Variants in ENOPH1 observed in about 807,000 individuals in gnomAD.
ENOPH1 encodes enolase-phosphatase 1.
In ENOPH1, 14 loss-of-function variants were observed where a neutral mutation model predicts 31.1. That is an observed-to-expected ratio of 0.45 (90% confidence interval 0.30 to 0.70). ENOPH1 has a LOEUF of 0.70. Ranked by LOEUF, ENOPH1 falls within the 30% of genes least tolerant of loss-of-function variation. The pLI, the probability that ENOPH1 is intolerant of heterozygous loss-of-function variation, is 0.09. For synonymous variants in ENOPH1, 127 were observed against 123.2 expected (o/e 1.03, Z -0.21); for missense variants, 243 against 321.5 (o/e 0.76, Z 1.87).
At chr4:82,432,552 C>G (rs1463777606) in intron 1 of ENOPH1, among the ~76,000 whole-genome samples, 1 of 152,164 alleles carries the variant, frequency 6.6e-6, no homozygotes, top group Non-Finnish European at 1.5e-5. Context: ...CCAGGCTGGT[C>G]TCAAACTCCT....
rs759212866 is a variant in ENOPH1 at position 82,447,904 on chromosome 4, T to G, written c.85-16T>G. 9.2e-6 allele frequency: 14 copies of G among 1,523,532 alleles called. No individual in the cohort carries two copies. Among genetic ancestry groups the G allele is most frequent in the Non-Finnish European group, 9.9e-6 (11 of 1,108,276 alleles). 94.4% of individuals were successfully genotyped at this position (1,523,532 alleles called of 1,614,324 possible). A position where few individuals can be genotyped will look rare whatever the true frequency, so the allele number is the denominator to read the frequency against. ...TAAAAGCTAACTCTTGTATTTTCTTTTACTCTTTTATCCAGGACATTTTAT... is the reference window on the plus strand; with the variant it reads ...TAAAAGCTAACTCTTGTATTTTCTTGTACTCTTTTATCCAGGACATTTTAT... On this transcript the variant is annotated splice_polypyrimidine_tract_variant and intron_variant, in intron 1 of 5. Coordinates refer to ENST00000273920, the MANE Select transcript of ENOPH1 (RefSeq NM_021204.5).
In ENOPH1 at chr4:82,454,742, C is replaced by G; in HGVS notation, c.410C>G (p.Pro137Arg). The change falls in exon 4 of 6, where the codon CCA becomes CGA. Residue 137 changes from proline to arginine, a missense_variant. Pro to Arg is a moderately radical substitution (Grantham distance 103, BLOSUM62 -2). Transcript: ENST00000273920. ...TCTAGGTTCTTTGCAGATGTAGTTC[C>G]AGCAGTCAGGAAGTGGAGAGAGGCC... Reference protein sequence around the residue: ...MKAEFFADVVPAVRKWREAGM... With the variant: ...MKAEFFADVVRAVRKWREAGM... 1 of 1,613,508 alleles carries G rather than the reference C, an allele frequency of 6.2e-7. No homozygotes were observed. The highest frequency in any genetic ancestry group is 8.5e-7 in the Non-Finnish European group (1 of 1,179,892).
Position 82,456,949 on chromosome 4 carries a change from A to T in ENOPH1, c.557A>T (p.His186Leu). The change falls in exon 5 of 6, where the codon CAC becomes CTC. Residue 186 changes from histidine (H) to leucine (L), a missense_variant. Coordinates refer to ENST00000273920, the MANE Select transcript of ENOPH1 (RefSeq NM_021204.5). The part of the protein sequence containing the change: ...VDGHFDTKIG[H>L]KVESESYRKI... The stretch of plus-strand genomic sequence containing the variant: ...GGTCACTTTGATACCAAGATTGGAC[A>T]CAAAGTAGAGAGTGAAAGTTACCGA... 6.2e-7 allele frequency: 1 copy of T among 1,614,104 alleles called. No homozygotes were observed. Among genetic ancestry groups the T allele is most frequent in the Non-Finnish European group, 8.5e-7 (1 of 1,179,998 alleles).
intron 1 of ENOPH1, among the ~76,000 whole-genome samples, chr4:82,440,891 T>C (rs1212212888): frequency 6.6e-6 from 1 of 152,220 alleles, no homozygotes; most frequent in Non-Finnish European, 1.5e-5. Flanking sequence ...ACCCCTTGTA[T>C]GGGTCCAGCC....
In ENOPH1 at chr4:82,430,792, C is replaced by G; in HGVS notation, c.-38C>G. 6.2e-7 allele frequency: 1 copy of G among 1,600,702 alleles called. No individual in the cohort carries two copies. Among genetic ancestry groups the G allele is most frequent in the Non-Finnish European group, 8.6e-7 (1 of 1,168,072 alleles). On this transcript the variant is annotated 5_prime_UTR_variant, in exon 1 of 6. Coordinates refer to ENST00000273920, the MANE Select transcript of ENOPH1 (RefSeq NM_021204.5). The stretch of plus-strand genomic sequence containing the variant: ...CAGCCGGCGCCGCCCTCCGCCCTCC[C>G]CAACAGCAGGCCGAGTCCCGTAGCA...
chr4:82,448,097 C>A, intron 2 of ENOPH1, 76 bp downstream of exon 2: 3 of 1,015,888 alleles, frequency 3.0e-6, no homozygotes, highest in Non-Finnish European at 4.4e-6. Flanking sequence ...ATGCTCTGAG[C>A]ATTTTGTAAA....
intron 1 of ENOPH1, among the ~76,000 whole-genome samples, chr4:82,437,636 A>G (rs1423174200): frequency 6.6e-6 from 1 of 152,238 alleles, no homozygotes; most frequent in African/African-American, 2.4e-5. Context: ...CAGGAATTTC[A>G]AAGTCCTTTC....
rs1288419370 is a variant in ENOPH1 at position 82,430,595 on chromosome 4, G to A, written c.-235G>A. Reference sequence around the variant, plus strand: ...CCCCTTTTCCTGCCCACGTGGTCTCGGGCTCCTGCCCCGTCCTGCTCACGA... The same window carrying A: ...CCCCTTTTCCTGCCCACGTGGTCTCAGGCTCCTGCCCCGTCCTGCTCACGA... On this transcript the variant is annotated 5_prime_UTR_variant, in exon 1 of 6. Coordinates refer to ENST00000273920, the MANE Select transcript of ENOPH1 (RefSeq NM_021204.5). 3 of 477,588 alleles carry A rather than the reference G, an allele frequency of 6.3e-6. No individual in the cohort carries two copies. The East Asian group carries it at 1.0e-4, about 16-fold the overall frequency. 29.6% of individuals were successfully genotyped at this position (477,588 alleles called of 1,614,324 possible).
chr4:82,446,761 C>G (rs1387758033), intron 1 of ENOPH1, among the ~76,000 whole-genome samples: 1 of 133,126 alleles, frequency 7.5e-6, no homozygotes, highest in Non-Finnish European at 1.5e-5. Context: ...CTGCGGACTG[C>G]AGTGGCGCAA....
intron 2 of ENOPH1, 74 bp from the exon 3 acceptor site, chr4:82,450,968 GT>G: frequency 7.0e-6 from 9 of 1,287,172 alleles, no homozygotes; most frequent in Non-Finnish European, 1.0e-5. Context: ...GTTCTGCTGG[GT>G]TTTTGGGTCT....
chr4:82,446,662 C>CT (rs34342267), intron 1 of ENOPH1, among the ~76,000 whole-genome samples: 18,814 of 74,606 alleles, frequency 0.25, 2,733 homozygotes, highest in African/African-American at 0.31. Context: ...TTGCACATCA[C>CT]TTTTTTTTTT....
chr4:82,447,895 T>C, intron 1 of ENOPH1, 25 bp from the exon 2 acceptor site: 1 of 1,434,064 alleles, frequency 7.0e-7, no homozygotes, highest in Non-Finnish European at 9.7e-7. Context: ...CTAACTCTTG[T>C]ATTTTCTTTT....
intron 1 of ENOPH1, 151 bp downstream of exon 1, chr4:82,431,064 G>T: frequency 1.5e-6 from 1 of 687,200 alleles, no homozygotes. Flanking sequence ...GAGAAAGCCT[G>T]CGGTGGGTTG....
chr4:82,452,242 A>G (rs988438150), intron 3 of ENOPH1, among the ~76,000 whole-genome samples: 1 of 151,750 alleles, frequency 6.6e-6, no homozygotes, highest in South Asian at 2.1e-4. Context: ...TTCAAAAAAC[A>G]TTTTTGTAGA....
At position 82,456,977 on chromosome 4, in the gene ENOPH1, G is replaced by C; in HGVS notation, c.585G>C (p.Lys195Asn). The C allele has an allele frequency of 6.2e-7, 1 of 1,614,068 alleles. No homozygotes were observed. Among genetic ancestry groups the C allele is most frequent in the Non-Finnish European group, 8.5e-7 (1 of 1,179,996 alleles). ...GHKVESESYR[K>N]IADSIGCSTN... ...AAGTAGAGAGTGAAAGTTACCGAAA[G>C]ATTGCAGACAGCATTGGGTGCTCAA... The change falls in exon 5 of 6, where the codon AAG (lysine) becomes AAC (asparagine). Residue 195 changes from lysine (K) to asparagine (N), a missense_variant. By Grantham distance (94) the Lys-to-Asn change is moderately conservative (BLOSUM62 0). Coordinates refer to ENST00000273920, the MANE Select transcript of ENOPH1 (RefSeq NM_021204.5).
chr4:82,456,092 C>T (rs1722485358), intron 4 of ENOPH1, among the ~76,000 whole-genome samples: 1 of 150,798 alleles, frequency 6.6e-6, no homozygotes, highest in African/African-American at 2.4e-5. Context: ...CATGACAGGA[C>T]AAAAGTACCT....
chr4:82,451,643 C>T (rs1578101509), intron 3 of ENOPH1, among the ~76,000 whole-genome samples: 1 of 152,194 alleles, frequency 6.6e-6, no homozygotes, highest in Non-Finnish European at 1.5e-5. Flanking sequence ...TGTGCCCCAC[C>T]GTGTTGAGGT....
At chr4:82,446,959 GC>G (rs1410673402) in intron 1 of ENOPH1, among the ~76,000 whole-genome samples, 1 of 151,304 alleles carries the variant, frequency 6.6e-6, no homozygotes, top group African/African-American at 2.4e-5. Flanking sequence ...ACCCGCCTCG[GC>G]CTCCCAAAGT....
In ENOPH1 at chr4:82,451,095, G is replaced by A; in HGVS notation, c.239G>A (p.Gly80Glu). 6.2e-7 allele frequency: 1 copy of A among 1,614,192 alleles called. No homozygotes were observed. Among genetic ancestry groups the A allele is most frequent in the Non-Finnish European group, 8.5e-7 (1 of 1,180,038 alleles). The change falls in exon 3 of 6, where the codon GGG (glycine) becomes GAG (glutamate). Residue 80 changes from glycine (G) to glutamate (E), a missense_variant. Physicochemically the swap from Gly to Glu is moderately conservative, Grantham distance 98 (BLOSUM62 -2). Transcript: ENST00000273920. ...DGAVPIPAAS[G>E]NGVDDLQQMI... is the part of the protein sequence containing the mutation. ...GCTGTTCCTATCCCTGCAGCATCTG[G>A]GAATGGAGTGGATGATCTGCAACAG...
Sources: gnomAD v4.1 joint callset for allele counts (sites outside exome capture counted in the v4.1 genomes callset) on GRCh38, gnomAD v4.1.1 for gene constraint, MANE v1.5 for transcripts, NCBI Gene and HGNC (gene_info 2026-07-23, HGNC 2026-07-21) for gene names.